The following SLC22A25 variants were observed in gnomAD, a reference collection of about 807,000 sequenced individuals.
SLC22A25 encodes solute carrier family 22 member 25.
In SLC22A25, 44 loss-of-function variants were observed where a neutral mutation model predicts 45.9. The ratio of observed to expected loss-of-function variants is 0.96; its 90% CI spans 0.75 to 1.23. SLC22A25 has a LOEUF of 1.23. Among genes scored for constraint, SLC22A25 ranks in the 50% most tolerant of loss-of-function variants. SLC22A25 has a pLI of 0.00. For missense variants in SLC22A25, 800 were observed against 666.4 expected, an observed-to-expected ratio of 1.20 and a Z score of -2.21; for synonymous variants, 283 against 238.6, an observed-to-expected ratio of 1.19 and a Z score of -1.72.
chr11:63,175,297 A>G (rs543115942), intron 9 of SLC22A25, among the ~76,000 whole-genome samples: 2 of 152,022 alleles, frequency 1.3e-5, no homozygotes, highest in Non-Finnish European at 1.5e-5. Context: ...CAATTTATTT[A>G]TGATAATGTC....
intron 9 of SLC22A25, among the ~76,000 whole-genome samples, chr11:63,170,712 C>T (rs2087848357): frequency 6.6e-6 from 1 of 152,252 alleles, no homozygotes; most frequent in Non-Finnish European, 1.5e-5. Context: ...CAGATGGATT[C>T]ACACCTGAAT....
chr11:63,228,614 A>T, intron 4 of SLC22A25, 50 bp from the exon 5 acceptor site: 1 of 1,380,100 alleles, frequency 7.2e-7, no homozygotes, highest in Non-Finnish European at 1.0e-6. Flanking sequence ...CCTCAGTGTA[A>T]CCTTATCAAA....
chr11:63,186,266 G>C (rs564874729), intron 7 of SLC22A25, among the ~76,000 whole-genome samples: 1 of 148,882 alleles, frequency 6.7e-6, no homozygotes, highest in African/African-American at 2.5e-5. Flanking sequence ...TCTCATTGTG[G>C]TTTTGATTTG....
chr11:63,213,680 G>C (rs1565109368), intron 7 of SLC22A25, among the ~76,000 whole-genome samples: 1 of 152,126 alleles, frequency 6.6e-6, no homozygotes, highest in Non-Finnish European at 1.5e-5. Flanking sequence ...CAGCTACCCT[G>C]CTGTCTGTGG....
intron 7 of SLC22A25, among the ~76,000 whole-genome samples, chr11:63,201,180 A>C (rs908899688): frequency 1.3e-5 from 2 of 152,206 alleles, no homozygotes; most frequent in African/African-American, 4.8e-5. Context: ...ACCAAAAAGG[A>C]GCCTGAACAG....
chr11:63,229,467 A>G lies in SLC22A25; in HGVS notation c.186T>C (p.Asn62=), dbSNP rs966579775. ...CATCCTGGCTGAGGGTCCCAGGGTC[A>G]TTGTCAGGGATAGTGTCATTGTCCA... The part of the protein sequence containing the change: ...HILDNDTIPD[N]DPGTLSQDAL... The change falls in exon 4 of 12, where the codon AAT becomes AAC. Residue 62 remains asparagine, a synonymous_variant. Transcript: ENST00000306494. 2.5e-6 allele frequency: 4 copies of G among 1,614,130 alleles called. No individual in the cohort carries two copies. Among genetic ancestry groups the G allele is most frequent in the Non-Finnish European group, 3.4e-6 (4 of 1,179,948 alleles).
chr11:63,239,535 C>T (rs752329824), intron 1 of SLC22A25, among the ~76,000 whole-genome samples: 1 of 152,170 alleles, frequency 6.6e-6, no homozygotes, highest in Non-Finnish European at 1.5e-5. Context: ...AAGGGATGCA[C>T]TTTTAGAAAT....
chr11:63,204,369 G>A (rs1228390483), intron 7 of SLC22A25, among the ~76,000 whole-genome samples: 1 of 152,138 alleles, frequency 6.6e-6, no homozygotes, highest in Non-Finnish European at 1.5e-5. Flanking sequence ...TGGGCAAATT[G>A]GATAAAGAGT....
intron 9 of SLC22A25, chr11:63,166,700 T>G (rs2087696813): frequency 1.0e-6 from 1 of 998,338 alleles, no homozygotes; most frequent in Admixed American, 5.7e-5. Flanking sequence ...TCAGGAATGT[T>G]TACTAAAATG....
intron 5 of SLC22A25, among the ~76,000 whole-genome samples, chr11:63,227,553 C>T (rs1405826844): frequency 6.6e-6 from 1 of 152,188 alleles, no homozygotes; most frequent in Admixed American, 6.5e-5. Flanking sequence ...TTTCCCTCTC[C>T]TCTCCTCAAA....
Position 63,214,073 on chromosome 11 carries a change from T to C in SLC22A25, c.830+3241A>G, listed in dbSNP as rs78415037. Among the ~76,000 whole-genome samples, 518 of 152,306 alleles carry C rather than the reference T, an allele frequency of 3.4e-3. 6 individuals carry two copies. The highest frequency in any genetic ancestry group is 0.012 in the African/African-American group (490 of 41,574). ...CAGCTAGAATGAACAAGTTGGTCCA[T>C]GTTCCAGTTCAGATTTGGTCCAGGT... On this transcript the variant is annotated intron_variant, in intron 7 of 11. Transcript: ENST00000306494.
intron 9 of SLC22A25, among the ~76,000 whole-genome samples, chr11:63,173,902 T>TC (rs1446302249): frequency 6.6e-6 from 1 of 151,236 alleles, no homozygotes; most frequent in Non-Finnish European, 1.5e-5. Flanking sequence ...TTCTTTTCTT[T>TC]TTTTTTTTTT....
rs1204562616 is a variant in SLC22A25, at chr11:63,217,716, G to A, written c.526C>T (p.Leu176Phe). The change falls in exon 6 of 12, where the codon CTC becomes TTC. Residue 176 changes from leucine (L) to phenylalanine (F), a missense_variant. Physicochemically the swap from Leu to Phe is conservative, Grantham distance 22. Coordinates refer to ENST00000306494, the MANE Select transcript of SLC22A25 (RefSeq NM_199352.6). ...GCGAGCTGGAGGTAAGACCATCTGA[G>A]CACGAACTTTCTCCCAAACCTGAGA... ...LSDRFGRKFV[L>F]RWSYLQLAIV... The A allele has an allele frequency of 6.2e-7, 1 of 1,608,846 alleles. No individual in the cohort carries two copies. Among genetic ancestry groups the A allele is most frequent in the Admixed American group, 1.7e-5 (1 of 58,404 alleles).
At chr11:63,217,799 G>T in intron 5 of SLC22A25, 64 bp from the exon 6 acceptor site, 2 of 1,522,446 alleles carry the variant, frequency 1.3e-6, no homozygotes, top group Non-Finnish European at 1.8e-6. Flanking sequence ...GTTAGCAAAG[G>T]GAAAGCACAC....
chr11:63,235,221 T>A (rs2090143019), intron 3 of SLC22A25, among the ~76,000 whole-genome samples: 1 of 152,246 alleles, frequency 6.6e-6, no homozygotes, highest in African/African-American at 2.4e-5. Flanking sequence ...TTCTCCTGGA[T>A]AATTTCCTGC....
At chr11:63,201,357 C>T (rs2089237437) in intron 7 of SLC22A25, among the ~76,000 whole-genome samples, 1 of 152,002 alleles carries the variant, frequency 6.6e-6, no homozygotes, top group Non-Finnish European at 1.5e-5. Context: ...AGACCAAACA[C>T]CTACAACTCT....
chr11:63,180,161 G>C (rs1360433327), intron 9 of SLC22A25, among the ~76,000 whole-genome samples: 2 of 152,144 alleles, frequency 1.3e-5, no homozygotes, highest in Non-Finnish European at 2.9e-5. Context: ...TTTTTGTCCA[G>C]TCATTATTTA....
chr11:63,196,693 C>A (rs1022044912), intron 7 of SLC22A25, among the ~76,000 whole-genome samples: 1 of 152,100 alleles, frequency 6.6e-6, no homozygotes, highest in Non-Finnish European at 1.5e-5. Flanking sequence ...TGAAAACTGG[C>A]ACAAAACAGG....
At chr11:63,186,596 G>C (rs1343024111) in intron 7 of SLC22A25, among the ~76,000 whole-genome samples, 1 of 152,092 alleles carries the variant, frequency 6.6e-6, no homozygotes, top group African/African-American at 2.4e-5. Context: ...TGCTTTTGGT[G>C]TTTTAGACAT....
Sources: gnomAD v4.1 joint callset for allele counts (sites outside exome capture counted in the v4.1 genomes callset) on GRCh38, gnomAD v4.1.1 for gene constraint, MANE v1.5 for transcripts, NCBI Gene and HGNC (gene_info 2026-07-23, HGNC 2026-07-21) for gene names.